The following ZNF438 variants were observed in gnomAD, a reference collection of about 807,000 sequenced individuals.
ZNF438 encodes the protein zinc finger protein 438.
In ZNF438, 25 loss-of-function variants were observed where a neutral mutation model predicts 38.0. The observed-to-expected ratio is 0.66, with a 90% CI of 0.48 to 0.92. ZNF438 has a LOEUF of 0.92. Among genes scored for constraint, ZNF438 ranks in the 40% least tolerant of loss-of-function variants. The probability of loss-of-function intolerance (pLI) is 0.00; values close to 1 mark genes in which losing one functional copy is unlikely to be tolerated. For synonymous variants in ZNF438, 372 were observed against 364.1 expected (o/e 1.02, Z -0.25); for missense variants, 1,007 against 999.6 (o/e 1.01, Z -0.10).
chr10:30,979,442 C>A (rs958856989), intron 1 of ZNF438, among the ~76,000 whole-genome samples: 1 of 152,128 alleles, frequency 6.6e-6, no homozygotes, highest in Non-Finnish European at 1.5e-5. Context: ...CAAAAAAGAG[C>A]CTGCATAGCC....
At chr10:30,898,498 A>G (rs926386561) in intron 3 of ZNF438, among the ~76,000 whole-genome samples, 4 of 152,102 alleles carry the variant, frequency 2.6e-5, no homozygotes, top group African/African-American at 9.7e-5. Context: ...TCCACCTTTA[A>G]TTGGGTATAA....
At chr10:30,848,911 T>C (rs2032950446) in exon 5 of ZNF438, 2 of 1,614,086 alleles carry the variant, frequency 1.2e-6, no homozygotes, top group Non-Finnish European at 1.7e-6. Flanking sequence ...TGCCAGAGAA[T>C]CCATTTCTGA....
intron 1 of ZNF438, among the ~76,000 whole-genome samples, chr10:30,947,482 G>C (rs1260553550): frequency 6.6e-6 from 1 of 152,256 alleles, no homozygotes; most frequent in Non-Finnish European, 1.5e-5. Flanking sequence ...CTTTTTGTTT[G>C]TCTGTGCCCT....
At chr10:30,851,015 C>T (rs779701913) in intron 4 of ZNF438, among the ~76,000 whole-genome samples, 4 of 152,160 alleles carry the variant, frequency 2.6e-5, no homozygotes, top group Admixed American at 6.5e-5. Context: ...ATGTGACTTA[C>T]GAATTTCTTC....
intron 1 of ZNF438, among the ~76,000 whole-genome samples, chr10:31,011,881 C>T (rs1018789152): frequency 6.6e-6 from 1 of 152,146 alleles, no homozygotes; most frequent in Non-Finnish European, 1.5e-5. Context: ...ATCCTAGGTC[C>T]TTATAGTGGC....
chr10:31,010,041 G>T (rs2055528097), intron 1 of ZNF438, among the ~76,000 whole-genome samples: 1 of 151,872 alleles, frequency 6.6e-6, no homozygotes, highest in African/African-American at 2.4e-5. Flanking sequence ...TAGAGATGGG[G>T]TTTCACCATA....
In ZNF438 at chr10:31,002,596, A is replaced by C. The variant is rs571469846; in HGVS notation, c.-192+29237T>G. Among the ~76,000 whole-genome samples, 14 of 152,358 alleles carry C rather than the reference A, an allele frequency of 9.2e-5. No individual in the cohort carries two copies. In the South Asian group the frequency reaches 1.7e-3, roughly 18 times the overall value. Reference sequence around the variant, plus strand: ...TTGATACTAGCTAGACCTGATTTAAAAAACATGATGTGCATAAACATTCAC... The same window carrying C: ...TTGATACTAGCTAGACCTGATTTAACAAACATGATGTGCATAAACATTCAC... On this transcript the variant is annotated intron_variant, in intron 1 of 5. Transcript: ENST00000413025.
At chr10:30,895,597 T>A (rs959794222) in intron 3 of ZNF438, among the ~76,000 whole-genome samples, 1 of 152,148 alleles carries the variant, frequency 6.6e-6, no homozygotes, top group Non-Finnish European at 1.5e-5. Flanking sequence ...AGAAAATATT[T>A]GCAAATAATT....
At chr10:30,947,747 G>A (rs905668510) in intron 1 of ZNF438, among the ~76,000 whole-genome samples, 31 of 152,276 alleles carry the variant, frequency 2.0e-4, no homozygotes, top group Admixed American at 9.2e-4. Flanking sequence ...TTTTAAGCCC[G>A]TCGGAAAAGC....
intron 3 of ZNF438, among the ~76,000 whole-genome samples, chr10:30,907,231 T>TC (rs1271115555): frequency 2.0e-5 from 3 of 152,148 alleles, no homozygotes; most frequent in Admixed American, 2.0e-4. Context: ...TGCCTTAGCC[T>TC]CCCAAAGTGC....
At chr10:30,877,421 C>T (rs1332689550) in intron 3 of ZNF438, among the ~76,000 whole-genome samples, 1 of 152,062 alleles carries the variant, frequency 6.6e-6, no homozygotes, top group African/African-American at 2.4e-5. Context: ...AGCTAACATG[C>T]TTAACAGTAT....
At chr10:30,897,499 G>C (rs1177111030) in intron 3 of ZNF438, among the ~76,000 whole-genome samples, 3 of 152,168 alleles carry the variant, frequency 2.0e-5, no homozygotes, top group African/African-American at 7.2e-5. Context: ...CTCAGCTCCA[G>C]ATTGGTCCCA....
intron 4 of ZNF438, among the ~76,000 whole-genome samples, chr10:30,854,767 G>C (rs2034326682): frequency 6.6e-6 from 1 of 152,148 alleles, no homozygotes; most frequent in South Asian, 2.1e-4. Context: ...ACAGAAAACA[G>C]ACACACAGAG....
intron 1 of ZNF438, among the ~76,000 whole-genome samples, chr10:30,996,124 G>C (rs145311650): frequency 4.6e-5 from 7 of 151,960 alleles, no homozygotes; most frequent in African/African-American, 1.7e-4. Flanking sequence ...AAGTAGCAAA[G>C]GAATTAAAGC....
chr10:30,975,911 A>G (rs992303964), intron 1 of ZNF438, among the ~76,000 whole-genome samples: 6 of 152,118 alleles, frequency 3.9e-5, no homozygotes, highest in African/African-American at 1.4e-4. Context: ...ATTATAATTT[A>G]GTAACAGTCT....
At chr10:30,860,873 A>AGTGG (rs2035462446) in intron 4 of ZNF438, among the ~76,000 whole-genome samples, 1 of 152,158 alleles carries the variant, frequency 6.6e-6, no homozygotes, top group Admixed American at 6.5e-5. Context: ...TGTTCAAGAA[A>AGTGG]GTGGGGTAAG....
intron 1 of ZNF438, among the ~76,000 whole-genome samples, chr10:30,995,048 A>AC (rs1363473048): frequency 6.6e-6 from 1 of 151,618 alleles, no homozygotes; most frequent in African/African-American, 2.4e-5. Flanking sequence ...GAGAGGAAAA[A>AC]AAAAAATGAA....
chr10:31,002,557 A>C (rs1301985737), intron 1 of ZNF438, among the ~76,000 whole-genome samples: 1 of 152,232 alleles, frequency 6.6e-6, no homozygotes, highest in Non-Finnish European at 1.5e-5. Flanking sequence ...ATACGATTAA[A>C]AAATATTTAG....
chr10:30,889,032 C>T (rs1226534206), intron 3 of ZNF438, among the ~76,000 whole-genome samples: 8 of 152,144 alleles, frequency 5.3e-5, no homozygotes, highest in African/African-American at 1.4e-4. Context: ...ACCTTGTCAG[C>T]ATCTAACATG....
Sources: allele counts gnomAD v4.1 joint callset (sites outside exome capture counted in the v4.1 genomes callset), GRCh38; gene constraint gnomAD v4.1.1; transcripts MANE v1.5; gene names NCBI Gene and HGNC (gene_info 2026-07-23, HGNC 2026-07-21).